Variants in NCAM2 observed in about 807,000 individuals in gnomAD.
NCAM2 encodes the protein N-CAM-2.
Under a neutral mutation model 98.1 loss-of-function variants are expected in NCAM2, and 30 were observed. That is an observed-to-expected ratio of 0.31 (90% confidence interval 0.23 to 0.41). NCAM2 has a LOEUF of 0.41. Ranked by LOEUF, NCAM2 falls within the 10% of genes least tolerant of loss-of-function variation. NCAM2 has a pLI of 1.00. For synonymous variants in NCAM2, 368 were observed against 342.4 expected, an observed-to-expected ratio of 1.07 and a Z score of -0.83; for missense variants, 867 against 1,005.8, an observed-to-expected ratio of 0.86 and a Z score of 1.87.
chr21:21,129,956 T>C (rs1358413810), intron 1 of NCAM2, among the ~76,000 whole-genome samples: 1 of 152,170 alleles, frequency 6.6e-6, no homozygotes, highest in African/African-American at 2.4e-5. Context: ...TTGCCTGGGA[T>C]ATTACTTAAA....
intron 9 of NCAM2, among the ~76,000 whole-genome samples, chr21:21,393,231 A>G (rs565626471): frequency 2.0e-4 from 30 of 152,090 alleles, no homozygotes; most frequent in Admixed American, 1.4e-3. Context: ...ATTTTTGTCA[A>G]GTTTGTTGAA....
chr21:21,214,719 TTCCATATATATA>T (rs2069801372), intron 1 of NCAM2, among the ~76,000 whole-genome samples: 1 of 27,910 alleles, frequency 3.6e-5, no homozygotes, highest in Non-Finnish European at 1.4e-4. Flanking sequence ...AATATATATA[TTCCATATATATA>T]TATATATATA....
chr21:21,364,213 G>A (rs921789615), intron 8 of NCAM2, among the ~76,000 whole-genome samples: 4 of 151,754 alleles, frequency 2.6e-5, no homozygotes, highest in Admixed American at 2.6e-4. Context: ...GTATTTTGAT[G>A]TTTCTTTCAT....
intron 6 of NCAM2, among the ~76,000 whole-genome samples, chr21:21,335,048 A>G (rs572196339): frequency 3.3e-5 from 5 of 152,190 alleles, no homozygotes; most frequent in African/African-American, 9.6e-5. Context: ...ATATATTTAC[A>G]TTGTATTTAC....
intron 2 of NCAM2, among the ~76,000 whole-genome samples, 182 bp from the exon 3 acceptor site, chr21:21,284,008 TAAAC>T (rs1281325248): frequency 1.3e-5 from 2 of 151,986 alleles, no homozygotes; most frequent in Non-Finnish European, 2.9e-5. Context: ...CCATGTTGGA[TAAAC>T]AAAGGTGAAC....
At chr21:21,184,993 G>C (rs1432310570) in intron 1 of NCAM2, among the ~76,000 whole-genome samples, 1 of 152,122 alleles carries the variant, frequency 6.6e-6, no homozygotes, top group Non-Finnish European at 1.5e-5. Context: ...CACTAATTTA[G>C]TCAGTGTGGA....
intron 1 of NCAM2, among the ~76,000 whole-genome samples, chr21:21,272,504 G>GCA (rs1568867341): frequency 7.1e-5 from 4 of 56,448 alleles, no homozygotes; most frequent in Non-Finnish European, 1.6e-4. Context: ...ACATGCGCGC[G>GCA]CGCGCACACA....
chr21:21,314,047 C>A (rs528088025), intron 5 of NCAM2, among the ~76,000 whole-genome samples: 1 of 152,182 alleles, frequency 6.6e-6, no homozygotes, highest in African/African-American at 2.4e-5. Flanking sequence ...ATTCTTTCAA[C>A]CATTAAATTA....
At chr21:21,259,415 T>C (rs1844962407) in intron 1 of NCAM2, among the ~76,000 whole-genome samples, 1 of 150,392 alleles carries the variant, frequency 6.6e-6, no homozygotes, top group Admixed American at 6.6e-5. Context: ...ATTTCTATCT[T>C]TCCTACTCAG....
At chr21:21,280,174 G>A (rs2072877216) in intron 1 of NCAM2, among the ~76,000 whole-genome samples, 1 of 151,030 alleles carries the variant, frequency 6.6e-6, no homozygotes, top group Admixed American at 6.6e-5. Flanking sequence ...ATTTGCGTGT[G>A]TGTGTGTGTG....
intron 7 of NCAM2, among the ~76,000 whole-genome samples, chr21:21,337,640 A>T (rs949390660): frequency 6.6e-6 from 1 of 152,062 alleles, no homozygotes; most frequent in Non-Finnish European, 1.5e-5. Flanking sequence ...CAGATTTCAA[A>T]AAATAAAGCT....
intron 1 of NCAM2, among the ~76,000 whole-genome samples, chr21:21,099,056 T>C (rs2066184345): frequency 6.6e-6 from 1 of 151,874 alleles, no homozygotes; most frequent in African/African-American, 2.4e-5. Context: ...TCAGTGGACC[T>C]CTGTTAATGA....
At chr21:21,418,414 T>C (rs2077037674) in intron 10 of NCAM2, 59 bp from the exon 11 acceptor site, 1 of 1,258,052 alleles carries the variant, frequency 7.9e-7, no homozygotes, top group Admixed American at 1.7e-5. Context: ...TACTGGGGTT[T>C]ATTATAAAAC....
At chr21:21,420,983 C>A (rs2077098857) in intron 11 of NCAM2, among the ~76,000 whole-genome samples, 1 of 151,624 alleles carries the variant, frequency 6.6e-6, no homozygotes, top group South Asian at 2.1e-4. Context: ...TGCAACTTTT[C>A]TTTAAATTAG....
chr21:21,270,009 C>G (rs764523506), intron 1 of NCAM2, among the ~76,000 whole-genome samples: 2 of 152,078 alleles, frequency 1.3e-5, no homozygotes, highest in Non-Finnish European at 2.9e-5. Flanking sequence ...AGAGAATACC[C>G]ACATTGGGGA....
At chr21:21,410,200 AATGCTT>A in intron 9 of NCAM2, 68 bp from the exon 10 acceptor site, 1 of 779,058 alleles carries the variant, frequency 1.3e-6, no homozygotes, top group Middle Eastern at 4.1e-4. Context: ...AGAAATAACT[AATGCTT>A]ATACTACTTA....
At chr21:21,014,670 A>G (rs548078255) in intron 1 of NCAM2, among the ~76,000 whole-genome samples, 5 of 152,344 alleles carry the variant, frequency 3.3e-5, no homozygotes, top group East Asian at 1.9e-4. Context: ...TTTTATGCCT[A>G]CTAACACAAC....
Position 21,266,004 on chromosome 21 carries a change from G to A in NCAM2, c.56-14574G>A, listed in dbSNP as rs558024901. ...AAAATATTAATGAATAAGTGAGGGT[G>A]TTATTTTGATTTTGAAGCCTATCTA... On this transcript the variant is annotated intron_variant, in intron 1 of 17. Coordinates refer to ENST00000400546, the MANE Select transcript of NCAM2 (RefSeq NM_004540.5). Among the ~76,000 whole-genome samples, 7 of 152,172 alleles carry A rather than the reference G, an allele frequency of 4.6e-5. No homozygotes were observed. In the East Asian group the frequency reaches 1.3e-3, roughly 29 times the overall value.
At chr21:21,437,276 G>C (rs1377950984) in intron 12 of NCAM2, among the ~76,000 whole-genome samples, 1 of 151,966 alleles carries the variant, frequency 6.6e-6, no homozygotes, top group East Asian at 1.9e-4. Flanking sequence ...ACATTACCTT[G>C]ATCAAGAAAC....
Sources: allele counts gnomAD v4.1 joint callset (sites outside exome capture counted in the v4.1 genomes callset), GRCh38; gene constraint gnomAD v4.1.1; transcripts MANE v1.5; gene names NCBI Gene and HGNC (gene_info 2026-07-23, HGNC 2026-07-21).